ZSWIM6: variants seen among roughly 807,000 people sequenced by gnomAD.
ZSWIM6 encodes the protein zinc finger SWIM domain-containing protein 6.
Under a neutral mutation model 113.2 loss-of-function variants are expected in ZSWIM6, and 9 were observed. The observed-to-expected ratio is 0.08, with a 90% CI of 0.05 to 0.14. ZSWIM6 has a LOEUF of 0.14. Among genes scored for constraint, ZSWIM6 ranks in the 10% least tolerant of loss-of-function variants. ZSWIM6 has a pLI of 1.00. For synonymous variants in ZSWIM6, 611 were observed against 606.5 expected, an observed-to-expected ratio of 1.01 and a Z score of -0.11; for missense variants, 1,162 against 1,552.2, an observed-to-expected ratio of 0.75 and a Z score of 4.22.
At chr5:61,367,382 A>G (rs563436247) in intron 1 of ZSWIM6, among the ~76,000 whole-genome samples, 1 of 152,172 alleles carries the variant, frequency 6.6e-6, no homozygotes, top group Admixed American at 6.5e-5. Context: ...CAGCCTCCTG[A>G]GATTACAGGC....
chr5:61,422,494 T>C (rs1227725156), intron 1 of ZSWIM6, among the ~76,000 whole-genome samples: 2 of 152,220 alleles, frequency 1.3e-5, no homozygotes, highest in Admixed American at 6.5e-5. Context: ...TGAAGTCAAG[T>C]AATGTTATTC....
At position 61,430,614 on chromosome 5, in the gene ZSWIM6, G is replaced by C. The variant is rs566386858; in HGVS notation, c.677-42067G>C. 4.6e-5 allele frequency among the ~76,000 whole-genome samples: 7 copies of C among 151,986 alleles called. No homozygotes were observed. In the East Asian group the frequency reaches 1.2e-3, roughly 25 times the overall value. On this transcript the variant is annotated intron_variant, in intron 1 of 13. Coordinates refer to ENST00000252744, the MANE Select transcript of ZSWIM6 (RefSeq NM_020928.2). ...CAGATTGAAAATACAGCATATGGGG[G>C]TTCTGCAGGGCTGACTGCAGGAACT...
At chr5:61,520,013 C>G (rs552140853) in intron 4 of ZSWIM6, among the ~76,000 whole-genome samples, 1 of 152,312 alleles carries the variant, frequency 6.6e-6, no homozygotes, top group Admixed American at 6.5e-5. Context: ...ACTTGTTCGT[C>G]TGCCATTCAC....
chr5:61,415,974 C>T (rs1309340503), intron 1 of ZSWIM6, among the ~76,000 whole-genome samples: 3 of 152,300 alleles, frequency 2.0e-5, no homozygotes, highest in South Asian at 4.1e-4. Context: ...GCTTAGAATA[C>T]CAGCAATCTG....
intron 1 of ZSWIM6, among the ~76,000 whole-genome samples, chr5:61,458,939 G>A (rs1747267501): frequency 6.6e-6 from 1 of 150,778 alleles, no homozygotes; most frequent in South Asian, 2.1e-4. Flanking sequence ...CTAATTGGTA[G>A]CAGAGCTGGG....
intron 1 of ZSWIM6, among the ~76,000 whole-genome samples, chr5:61,401,138 A>C (rs999238636): frequency 6.6e-6 from 1 of 152,078 alleles, no homozygotes; most frequent in African/African-American, 2.4e-5. Flanking sequence ...GGTCTTTACT[A>C]ATACTGCCAC....
chr5:61,511,850 T>C (rs1048639493), intron 4 of ZSWIM6, among the ~76,000 whole-genome samples: 4 of 152,124 alleles, frequency 2.6e-5, no homozygotes, highest in Non-Finnish European at 4.4e-5. Flanking sequence ...TTGTAACAAG[T>C]TAATGATAAA....
chr5:61,335,675 G>A (rs889691031), intron 1 of ZSWIM6, among the ~76,000 whole-genome samples: 1 of 152,192 alleles, frequency 6.6e-6, no homozygotes, highest in Non-Finnish European at 1.5e-5. Flanking sequence ...TGTACAGAAA[G>A]TATTCATTGA....
intron 1 of ZSWIM6, among the ~76,000 whole-genome samples, chr5:61,337,148 C>T (rs1382036287): frequency 3.9e-5 from 6 of 151,908 alleles, no homozygotes; most frequent in African/African-American, 1.2e-4. Flanking sequence ...AGAGCGGTTG[C>T]GGGCGTCTGT....
At position 61,516,459 on chromosome 5, in the gene ZSWIM6, A is replaced by T. The variant is rs977375371; in HGVS notation, c.1334-4804A>T. Among the ~76,000 whole-genome samples, 257 of 144,268 alleles carry T rather than the reference A, an allele frequency of 1.8e-3. 1 individual carries two copies. The highest frequency in any genetic ancestry group is 4.6e-3 in the Admixed American group (66 of 14,428). 94.6% of individuals were successfully genotyped at this position (144,268 alleles called of 152,430 possible). A position where few individuals can be genotyped will look rare whatever the true frequency, so the allele number is the denominator to read the frequency against. On this transcript the variant is annotated intron_variant, in intron 4 of 13. Coordinates refer to ENST00000252744, the MANE Select transcript of ZSWIM6 (RefSeq NM_020928.2). ...AAAAATATACATATATATATATATA[A>T]AAACTATATATATATATATAGTTTT...
intron 4 of ZSWIM6, among the ~76,000 whole-genome samples, chr5:61,520,812 C>G (rs1175531723): frequency 6.6e-6 from 1 of 151,912 alleles, no homozygotes; most frequent in African/African-American, 2.4e-5. Flanking sequence ...TGTGCAGAAC[C>G]ATTTGGAGTG....
intron 1 of ZSWIM6, among the ~76,000 whole-genome samples, chr5:61,387,212 G>C (rs1358837550): frequency 6.6e-6 from 1 of 152,150 alleles, no homozygotes; most frequent in African/African-American, 2.4e-5. Flanking sequence ...CAGTAAATTG[G>C]CTGCCCCAAC....
intron 2 of ZSWIM6, among the ~76,000 whole-genome samples, chr5:61,475,043 C>T (rs1747674661): frequency 6.6e-6 from 1 of 152,186 alleles, no homozygotes; most frequent in African/African-American, 2.4e-5. Flanking sequence ...TAGGCTTCTG[C>T]TCTGTCATAT....
rs2112012818 is a variant in ZSWIM6 at position 61,332,654 on chromosome 5, A to C, written c.382A>C (p.Asn128His). The part of the protein sequence containing the change: ...EREICMYSSF[N>H]TGGGAAGGPG... ...GGAGATCTGCATGTACTCGTCCTTC[A>C]ACACCGGCGGCGGCGCCGCGGGCGG... The change falls in exon 1 of 14, where the codon AAC becomes CAC. Residue 128 changes from asparagine (N) to histidine (H), a missense_variant. Transcript: ENST00000252744. 8.8e-7 allele frequency: 1 copy of C among 1,132,974 alleles called. No homozygotes were observed. The highest frequency in any genetic ancestry group is 1.1e-6 in the Non-Finnish European group (1 of 900,440). The allele number at this position is 1,132,974 out of a possible 1,614,324, so 70.2% of individuals were successfully genotyped here. A position where few individuals can be genotyped will look rare whatever the true frequency, so the allele number is the denominator to read the frequency against.
In ZSWIM6 at chr5:61,472,036, T is replaced by C. The variant is rs534142196; in HGVS notation, c.677-645T>C. Among the ~76,000 whole-genome samples the C allele has an allele frequency of 6.6e-6, 1 of 152,294 alleles. No individual in the cohort carries two copies. Among genetic ancestry groups the C allele is most frequent in the East Asian group, 1.9e-4 (1 of 5,176 alleles). ...TGAGTTATTTAGGTGGTAGTGTATA[T>C]GAGATTTGGTGGGCCTTGCAATTCT... On this transcript the variant is annotated intron_variant, in intron 1 of 13. Coordinates refer to ENST00000252744, the MANE Select transcript of ZSWIM6 (RefSeq NM_020928.2). The surrounding 1 kb of genome is among the most constrained non-coding windows in gnomAD (Gnocchi z 4.1).
intron 1 of ZSWIM6, among the ~76,000 whole-genome samples, chr5:61,395,587 A>T (rs910466873): frequency 1.3e-5 from 2 of 152,168 alleles, no homozygotes; most frequent in African/African-American, 4.8e-5. Context: ...TTTTAAAAAC[A>T]TGAGTTTAAA....
chr5:61,495,841 A>G (rs1024861938), intron 4 of ZSWIM6, among the ~76,000 whole-genome samples: 4 of 152,186 alleles, frequency 2.6e-5, no homozygotes, highest in Non-Finnish European at 5.9e-5. Flanking sequence ...TAAGAAAACT[A>G]TAATGAAGGG....
intron 1 of ZSWIM6, among the ~76,000 whole-genome samples, chr5:61,383,025 C>A (rs942349183): frequency 1.3e-5 from 2 of 152,122 alleles, no homozygotes; most frequent in South Asian, 4.1e-4. Context: ...AATTTCAAAT[C>A]ATCGAATCTC....
At chr5:61,535,749 T>C in intron 10 of ZSWIM6, 130 bp downstream of exon 10, 1 of 1,210,066 alleles carries the variant, frequency 8.3e-7, no homozygotes, top group Non-Finnish European at 1.1e-6. Context: ...TATTTATGCT[T>C]CCTGTATTGT....
Sources: allele counts gnomAD v4.1 joint callset (sites outside exome capture counted in the v4.1 genomes callset), GRCh38; gene constraint gnomAD v4.1.1; non-coding constraint Gnocchi (gnomAD v3.1); transcripts MANE v1.5; gene names NCBI Gene and HGNC (gene_info 2026-07-23, HGNC 2026-07-21).